Variants in HIP1 observed in about 807,000 individuals in gnomAD.
The protein encoded by HIP1 is huntingtin interacting protein 1.
A neutral mutation model predicts 147.6 loss-of-function variants in HIP1; 65 were observed. The observed-to-expected ratio is 0.44, with a 90% CI of 0.36 to 0.54. The LOEUF (loss-of-function observed/expected upper bound fraction) is 0.54, where lower values mean the gene tolerates loss of function less well. Among genes scored for constraint, HIP1 ranks in the 20% least tolerant of loss-of-function variants. The probability of loss-of-function intolerance (pLI) is 0.00; values close to 1 mark genes in which losing one functional copy is unlikely to be tolerated. For synonymous variants in HIP1, 479 were observed against 504.0 expected (o/e 0.95, Z 0.67); for missense variants, 1,061 against 1,299.6 (o/e 0.82, Z 2.82).
At chr7:75,684,684 A>G (rs1416080757) in intron 1 of HIP1, among the ~76,000 whole-genome samples, 1 of 152,156 alleles carries the variant, frequency 6.6e-6, no homozygotes, top group African/African-American at 2.4e-5. Flanking sequence ...GTTGCTTTTG[A>G]CTTTTTACAA....
intron 8 of HIP1, among the ~76,000 whole-genome samples, chr7:75,571,449 C>T (rs1795630622): frequency 6.6e-6 from 1 of 152,188 alleles, no homozygotes; most frequent in Admixed American, 6.5e-5. Flanking sequence ...TAATTCCAAT[C>T]TCCCTTCCAC....
intron 1 of HIP1, among the ~76,000 whole-genome samples, chr7:75,613,449 T>C (rs1554505424): frequency 6.6e-6 from 1 of 152,132 alleles, no homozygotes; most frequent in African/African-American, 2.4e-5. Flanking sequence ...CATAGAGCCA[T>C]TGTCACCAGA....
chr7:75,669,802 C>CTTTA (rs1284834287), intron 1 of HIP1, among the ~76,000 whole-genome samples: 1 of 152,008 alleles, frequency 6.6e-6, no homozygotes, highest in African/African-American at 2.4e-5. Flanking sequence ...CACTTCATTC[C>CTTTA]TTTATTTATT....
intron 1 of HIP1, among the ~76,000 whole-genome samples, chr7:75,716,829 G>C (rs371577506): frequency 5.5e-5 from 8 of 145,136 alleles, no homozygotes; most frequent in South Asian, 2.2e-4. Flanking sequence ...TTTTTTTAGG[G>C]GGGGGGAAAG....
In HIP1 at chr7:75,561,379, A is replaced by AGAT; in HGVS notation, c.1140_1141insATC (p.Leu380_Tyr381insIle). Reference sequence around the variant, plus strand: ...GCCTTCAATCCACTGATCTCTCTGTATAGTCGCTCAATTAAGTGGTCCCTG... The same window carrying AGAT: ...GCCTTCAATCCACTGATCTCTCTGTAGATTAGTCGCTCAATTAAGTGGTCCCTG... On this transcript the variant is annotated inframe_insertion, in exon 13 of 31. Coordinates refer to ENST00000336926, the MANE Select transcript of HIP1 (RefSeq NM_005338.7). 1 of 1,612,942 alleles carries AGAT rather than the reference A, an allele frequency of 6.2e-7. No individual in the cohort carries two copies. Among genetic ancestry groups the AGAT allele is most frequent in the Non-Finnish European group, 8.5e-7 (1 of 1,178,856 alleles).
Position 75,611,590 on chromosome 7 carries a change from C to T in HIP1, c.121-12343G>A, listed in dbSNP as rs76934324. The T allele has an allele frequency of 2.9e-3, 2,266 of 794,780 alleles. 49 individuals carry two copies. In the African/African-American group the frequency reaches 0.039, roughly 14 times the overall value. The allele number at this position is 794,780 out of a possible 1,614,324, so 49.2% of individuals were successfully genotyped here. Reference sequence around the variant, plus strand: ...GGACATCATTTGGTTCTGAACTGTTCCCGCCCCGCCACAGGCCAATGCCTG... The same window carrying T: ...GGACATCATTTGGTTCTGAACTGTTTCCGCCCCGCCACAGGCCAATGCCTG... On this transcript the variant is annotated intron_variant, in intron 1 of 30. Transcript: ENST00000336926.
intron 1 of HIP1, among the ~76,000 whole-genome samples, chr7:75,660,041 G>T (rs562421783): frequency 1.3e-5 from 2 of 151,556 alleles, no homozygotes; most frequent in African/African-American, 4.9e-5. Flanking sequence ...CGGAAGAATC[G>T]CGTGAACCGG....
intron 1 of HIP1, among the ~76,000 whole-genome samples, chr7:75,684,316 C>T (rs1481830150): frequency 2.7e-5 from 4 of 150,586 alleles, no homozygotes; most frequent in South Asian, 4.2e-4. Flanking sequence ...GGTGTGGTGG[C>T]GCGCAACTAT....
At chr7:75,579,126 T>C (rs1489316150) in intron 7 of HIP1, among the ~76,000 whole-genome samples, 1 of 151,592 alleles carries the variant, frequency 6.6e-6, no homozygotes, top group Admixed American at 6.6e-5. Context: ...CCCCAATGCA[T>C]TTTTTAAAAA....
chr7:75,696,399 T>A (rs1306678552), intron 1 of HIP1, among the ~76,000 whole-genome samples: 2 of 152,138 alleles, frequency 1.3e-5, no homozygotes, highest in Non-Finnish European at 1.5e-5. Context: ...TCTTTACTAT[T>A]ATGCATGCAG....
chr7:75,668,786 C>T (rs997679734), intron 1 of HIP1, among the ~76,000 whole-genome samples: 15 of 152,308 alleles, frequency 9.8e-5, no homozygotes, highest in East Asian at 9.6e-4. Flanking sequence ...CAGAATAATA[C>T]ATTTTTTTAA....
At chr7:75,547,606 A>G (rs41281075) in intron 24 of HIP1, 149 bp downstream of exon 24, 107,307 of 717,142 alleles carry the variant, frequency 0.15, 8,887 homozygotes, top group Middle Eastern at 0.18. Flanking sequence ...TGTCATCATT[A>G]ATACTGTTAT....
intron 1 of HIP1, among the ~76,000 whole-genome samples, chr7:75,696,245 C>A (rs1310678590): frequency 6.6e-6 from 1 of 152,078 alleles, no homozygotes; most frequent in African/African-American, 2.4e-5. Flanking sequence ...ACTTCGGCTT[C>A]CCAAAGTGCT....
chr7:75,690,146 A>G (rs1554517988), intron 1 of HIP1, among the ~76,000 whole-genome samples: 1 of 152,084 alleles, frequency 6.6e-6, no homozygotes, highest in Non-Finnish European at 1.5e-5. Context: ...TTGGCGGCAC[A>G]TGCCTGTAGT....
At chr7:75,665,546 A>AT (rs11437703) in intron 1 of HIP1, among the ~76,000 whole-genome samples, 22,168 of 144,656 alleles carry the variant, frequency 0.15, 1,926 homozygotes, top group Admixed American at 0.27. Flanking sequence ...TTCCGTAGTC[A>AT]TTTTTTTTTT....
At chr7:75,638,420 G>A (rs1039947545) in intron 1 of HIP1, among the ~76,000 whole-genome samples, 31 of 152,048 alleles carry the variant, frequency 2.0e-4, no homozygotes, top group African/African-American at 5.8e-4. Context: ...GGAGGGCACA[G>A]ACCCCTCCAG....
chr7:75,634,812 T>C (rs1798365169), intron 1 of HIP1, among the ~76,000 whole-genome samples: 1 of 151,902 alleles, frequency 6.6e-6, no homozygotes, highest in Non-Finnish European at 1.5e-5. Context: ...TGGTGGCTCA[T>C]GTCTGTGGTC....
intron 1 of HIP1, among the ~76,000 whole-genome samples, chr7:75,730,397 T>G (rs1476901563): frequency 6.6e-6 from 1 of 151,244 alleles, no homozygotes; most frequent in African/African-American, 2.4e-5. Context: ...TGGAGTGCAA[T>G]GGCGCGATCT....
At chr7:75,562,208 A>G (rs782027683) in intron 11 of HIP1, 38 bp from the exon 12 acceptor site, 5 of 1,383,866 alleles carry the variant, frequency 3.6e-6, no homozygotes, top group Admixed American at 1.7e-5. Context: ...TAAGTCAGAG[A>G]GCCAGAGAAT....
Sources: allele counts gnomAD v4.1 joint callset (sites outside exome capture counted in the v4.1 genomes callset), GRCh38; gene constraint gnomAD v4.1.1; transcripts MANE v1.5; gene names NCBI Gene and HGNC (gene_info 2026-07-23, HGNC 2026-07-21).